CTNNA3: variants seen among roughly 807,000 people sequenced by gnomAD.
CTNNA3 encodes the protein catenin alpha 3.
A neutral mutation model predicts 95.7 loss-of-function variants in CTNNA3; 76 were observed. That is an observed-to-expected ratio of 0.79 (90% confidence interval 0.66 to 0.96). The LOEUF is 0.96. Among genes scored for constraint, CTNNA3 ranks in the 40% least tolerant of loss-of-function variants. The pLI is 0.00. For synonymous variants in CTNNA3, 431 were observed against 374.4 expected (o/e 1.15, Z -1.74); for missense variants, 1,191 against 1,089.8 (o/e 1.09, Z -1.31).
At chr10:66,228,914 T>C (rs2089453868) in intron 13 of CTNNA3, among the ~76,000 whole-genome samples, 1 of 152,202 alleles carries the variant, frequency 6.6e-6, no homozygotes, top group South Asian at 2.1e-4. Context: ...TTAATGTTTT[T>C]TGACTTAAAG....
intron 11 of CTNNA3, among the ~76,000 whole-genome samples, chr10:66,387,361 T>A (rs973756971): frequency 5.3e-5 from 8 of 152,148 alleles, no homozygotes; most frequent in African/African-American, 1.4e-4. Flanking sequence ...TCATTACTGG[T>A]CATCAGAGAA....
At position 67,066,195 on chromosome 10, in the gene CTNNA3, CTTT is replaced by C. The variant is rs71006118; in HGVS notation, c.1047+114119_1047+114121del. Among the ~76,000 whole-genome samples, 195 of 123,062 alleles carry C rather than the reference CTTT, an allele frequency of 1.6e-3. 1 individual carries two copies. The highest frequency in any genetic ancestry group is 5.9e-3 in the African/African-American group (183 of 30,916). The allele number at this position is 123,062 out of a possible 152,430, so 80.7% of individuals were successfully genotyped here. On this transcript the variant is annotated intron_variant, in intron 7 of 17. Transcript: ENST00000433211. ...CTGCTGTGCCCACTGAAGTCACTGG[CTTT>C]TTTTTTTTTTTTTTGAGACAGTCTT... is the stretch of plus-strand genomic sequence containing the variant.
At chr10:66,557,325 A>G (rs10997232) in intron 10 of CTNNA3, among the ~76,000 whole-genome samples, 10,019 of 152,182 alleles carry the variant, frequency 0.066, 514 homozygotes, top group East Asian at 0.24. Flanking sequence ...GTTGTTGACT[A>G]AATGACTACT....
chr10:66,065,525 C>T (rs2080296499), intron 15 of CTNNA3, among the ~76,000 whole-genome samples: 1 of 152,106 alleles, frequency 6.6e-6, no homozygotes, highest in Non-Finnish European at 1.5e-5. Context: ...AAGTCAACAA[C>T]AAATTGATTA....
rs185925040 is a variant in CTNNA3, at chr10:66,697,050, G to C, written c.1281+69214C>G. 1.6e-3 allele frequency among the ~76,000 whole-genome samples: 244 copies of C among 152,088 alleles called. 2 individuals carry two copies. The highest frequency in any genetic ancestry group is 5.6e-3 in the African/African-American group (231 of 41,514). Reference sequence around the variant, plus strand: ...AACGCTCTATCTCCCAAGATGCCTAGGTGGAATTGTTAGGAAGCAACTGCC... The same window carrying C: ...AACGCTCTATCTCCCAAGATGCCTACGTGGAATTGTTAGGAAGCAACTGCC... On this transcript the variant is annotated intron_variant, in intron 9 of 17. Coordinates refer to ENST00000433211, the MANE Select transcript of CTNNA3 (RefSeq NM_013266.4).
chr10:67,638,604 T>C lies in CTNNA3; in HGVS notation c.99+8811A>G, dbSNP rs537390121. 1.4e-4 allele frequency among the ~76,000 whole-genome samples: 21 copies of C among 152,306 alleles called. 1 individual carries two copies. The highest frequency in any genetic ancestry group is 4.8e-4 in the African/African-American group (20 of 41,574). On this transcript the variant is annotated intron_variant, in intron 2 of 17. Transcript: ENST00000433211. ...CTTATTACAAAATTGACCACATAGT[T>C]GGAAGTAAAGCACTCCTCAGCAAAT...
intron 5 of CTNNA3, among the ~76,000 whole-genome samples, chr10:67,286,544 T>C (rs1839610407): frequency 6.6e-6 from 1 of 152,142 alleles, no homozygotes; most frequent in East Asian, 1.9e-4. Flanking sequence ...TGGCACAGAG[T>C]TGACACTTGA....
intron 1 of CTNNA3, among the ~76,000 whole-genome samples, chr10:67,710,799 T>C (rs1311106200): frequency 6.6e-6 from 1 of 152,144 alleles, no homozygotes; most frequent in African/African-American, 2.4e-5. Context: ...CTGACTGGGA[T>C]AGAATAGTGA....
intron 13 of CTNNA3, among the ~76,000 whole-genome samples, chr10:66,268,895 G>C (rs543216774): frequency 2.4e-4 from 36 of 152,306 alleles, no homozygotes; most frequent in African/African-American, 7.5e-4. Context: ...AAGATTGAAA[G>C]ATACTGAATC....
intron 3 of CTNNA3, among the ~76,000 whole-genome samples, chr10:67,593,019 T>C (rs1417860675): frequency 6.6e-6 from 1 of 152,124 alleles, no homozygotes; most frequent in Non-Finnish European, 1.5e-5. Flanking sequence ...CTTCTTTGTG[T>C]CCATATGTAC....
chr10:67,474,575 T>C (rs1224747073), intron 5 of CTNNA3, among the ~76,000 whole-genome samples: 1 of 152,110 alleles, frequency 6.6e-6, no homozygotes, highest in African/African-American at 2.4e-5. Context: ...CCATCTAGCA[T>C]ACTAATACAC....
intron 7 of CTNNA3, among the ~76,000 whole-genome samples, chr10:67,081,685 G>C (rs1037425794): frequency 1.3e-5 from 2 of 152,148 alleles, no homozygotes; most frequent in African/African-American, 4.8e-5. Context: ...ATTTTGAGTA[G>C]TTCTAGTCTC....
chr10:66,647,701 A>G (rs960568149), intron 9 of CTNNA3, among the ~76,000 whole-genome samples: 80 of 143,094 alleles, frequency 5.6e-4, no homozygotes, highest in Admixed American at 4.2e-3. Flanking sequence ...TTGTATTTTT[A>G]GTAGAGAGGG....
intron 5 of CTNNA3, among the ~76,000 whole-genome samples, chr10:67,462,492 C>G (rs1279569641): frequency 2.6e-5 from 4 of 152,158 alleles, no homozygotes; most frequent in Non-Finnish European, 5.9e-5. Context: ...AATGACATCA[C>G]AAATTTGCAT....
chr10:67,005,687 T>TTTTTTTTTGTTTG (rs1554895949), intron 7 of CTNNA3, among the ~76,000 whole-genome samples: 6 of 102,322 alleles, frequency 5.9e-5, no homozygotes, highest in African/African-American at 1.8e-4. Context: ...TCCATCTTTT[T>TTTTTTTTTGTTTG]TTTTTTTTTT....
At chr10:67,355,943 G>C (rs982388572) in intron 5 of CTNNA3, among the ~76,000 whole-genome samples, 1 of 151,866 alleles carries the variant, frequency 6.6e-6, no homozygotes, top group Non-Finnish European at 1.5e-5. Context: ...ACAGGAGTTA[G>C]AGAGTATCAA....
chr10:66,471,383 G>T (rs908711089), intron 11 of CTNNA3, among the ~76,000 whole-genome samples: 3 of 151,562 alleles, frequency 2.0e-5, no homozygotes, highest in African/African-American at 4.8e-5. Flanking sequence ...AGACTGTTTT[G>T]ATTTCTAACT....
chr10:65,951,036 A>T (rs887724091), intron 17 of CTNNA3, among the ~76,000 whole-genome samples: 1 of 152,212 alleles, frequency 6.6e-6, no homozygotes, highest in African/African-American at 2.4e-5. Context: ...CTCAAATCAT[A>T]AACAATATAT....
intron 4 of CTNNA3, among the ~76,000 whole-genome samples, chr10:67,532,397 C>A (rs1161188078): frequency 6.6e-6 from 1 of 152,084 alleles, no homozygotes; most frequent in Non-Finnish European, 1.5e-5. Context: ...ATTTTTCTGT[C>A]AATATAAATA....
Sources: allele counts gnomAD v4.1 joint callset (sites outside exome capture counted in the v4.1 genomes callset), GRCh38; gene constraint gnomAD v4.1.1; transcripts MANE v1.5; gene names NCBI Gene and HGNC (gene_info 2026-07-23, HGNC 2026-07-21).